Variants in CRYBG1 observed in about 807,000 individuals in gnomAD.
CRYBG1 encodes the protein crystallin beta-gamma domain containing 1, also known as beta/gamma crystallin domain-containing protein 1.
In CRYBG1, 139 loss-of-function variants were observed where a neutral mutation model predicts 189.2. The ratio of observed to expected loss-of-function variants is 0.73; its 90% CI spans 0.64 to 0.85. CRYBG1 has a LOEUF of 0.85. Ranked by LOEUF, CRYBG1 falls within the 40% of genes least tolerant of loss-of-function variation. The pLI, the probability that CRYBG1 is intolerant of heterozygous loss-of-function variation, is 0.00. For missense variants in CRYBG1, 2,611 were observed against 2,675.8 expected, an observed-to-expected ratio of 0.98 and a Z score of 0.53; for synonymous variants, 1,023 against 1,017.1, an observed-to-expected ratio of 1.01 and a Z score of -0.11.
chr6:106,555,215 A>G (rs1007047398), intron 16 of CRYBG1, among the ~76,000 whole-genome samples: 1 of 151,126 alleles, frequency 6.6e-6, no homozygotes, highest in African/African-American at 2.4e-5. Context: ...AAGGCCCACA[A>G]ACTTCTAGGG....
intron 9 of CRYBG1, 39 bp from the exon 10 acceptor site, chr6:106,541,547 A>C (rs934964554): frequency 1.0e-5 from 16 of 1,590,056 alleles, no homozygotes; most frequent in Admixed American, 6.7e-5. Flanking sequence ...GTAATGTATC[A>C]GTGAAAAACT....
Position 106,518,791 on chromosome 6 carries a change from AAAAAAT to A in CRYBG1, c.1923-328_1923-323del, listed in dbSNP as rs1481002775. 3.3e-5 allele frequency among the ~76,000 whole-genome samples: 5 copies of A among 152,218 alleles called. No individual in the cohort carries two copies. In the East Asian group the frequency reaches 5.8e-4, roughly 18 times the overall value. ...TGGGTGACATAGACCCCATTCTACA[AAAAAAT>A]AAAAATAAAAAAATTAGTTGGGTGT... On this transcript the variant is annotated intron_variant, in intron 3 of 21. Transcript: ENST00000633556.
At chr6:106,504,187 A>C (rs1053829129) in intron 2 of CRYBG1, among the ~76,000 whole-genome samples, 1 of 152,194 alleles carries the variant, frequency 6.6e-6, no homozygotes, top group Non-Finnish European at 1.5e-5. Flanking sequence ...TAGAAGCAGC[A>C]TGGGGCAAGC....
Position 106,512,160 on chromosome 6 carries a change from C to A in CRYBG1, c.1043C>A (p.Ala348Asp). The change falls in exon 3 of 22, where the codon GCC (alanine) becomes GAC (aspartate). Residue 348 changes from alanine (A) to aspartate (D), a missense_variant. Ala to Asp is a moderately radical substitution (Grantham distance 126, BLOSUM62 -2). Coordinates refer to ENST00000633556, the MANE Select transcript of CRYBG1 (RefSeq NM_001371242.2). ...GASDLPGEPP[A>D]EGAAHTASSA... is the part of the protein sequence containing the mutation. Reference sequence around the variant, plus strand: ...TCTGATTTGCCAGGTGAGCCTCCGGCCGAGGGCGCAGCGCACACGGCCAGC... The same window carrying A: ...TCTGATTTGCCAGGTGAGCCTCCGGACGAGGGCGCAGCGCACACGGCCAGC... The A allele has an allele frequency of 6.5e-7, 1 of 1,534,338 alleles. No individual in the cohort carries two copies. Among genetic ancestry groups the A allele is most frequent in the Non-Finnish European group, 8.7e-7 (1 of 1,145,834 alleles).
At chr6:106,479,909 T>A (rs190629818) in intron 2 of CRYBG1, among the ~76,000 whole-genome samples, 1 of 152,342 alleles carries the variant, frequency 6.6e-6, no homozygotes, top group Non-Finnish European at 1.5e-5. Context: ...CAAAAGTTTT[T>A]AATTTAGATG....
chr6:106,451,113 A>C (rs1771773921), intron 1 of CRYBG1, among the ~76,000 whole-genome samples: 1 of 152,210 alleles, frequency 6.6e-6, no homozygotes, highest in Non-Finnish European at 1.5e-5. Flanking sequence ...GTGGGAGAAC[A>C]GTGAAGGGTT....
chr6:106,362,112 G>GGCGCCCGCCACC (rs1771887617), intron 1 of CRYBG1, among the ~76,000 whole-genome samples: 1 of 144,238 alleles, frequency 6.9e-6, no homozygotes, highest in Non-Finnish European at 1.5e-5. Context: ...TGGGACCACA[G>GGCGCCCGCCACC]GCGCCCGCCA....
At chr6:106,391,447 A>T (rs1770499748) in intron 1 of CRYBG1, among the ~76,000 whole-genome samples, 1 of 152,052 alleles carries the variant, frequency 6.6e-6, no homozygotes, top group African/African-American at 2.4e-5. Context: ...TTGTGGTTTT[A>T]ATTTCTATTT....
rs571770477 is a variant in CRYBG1 at position 106,520,098 on chromosome 6, G to T, written c.2890G>T (p.Val964Leu). Residue 964 changes from valine (V) to leucine (L), a missense_variant, in exon 4 of 22, where the codon GTG (valine) becomes TTG (leucine). By Grantham distance (32) the Val-to-Leu change is conservative (BLOSUM62 1). This residue lies in a region of CRYBG1 where 1,622 missense variants were observed against 1,735.0 expected (regional missense o/e 0.93). Transcript: ENST00000633556. Reference sequence around the variant, plus strand: ...CCAGGTCAGGTCCTTCGTGCTCCCCGTGGAGAGCACCCAGGATGTGAGCTC... The same window carrying T: ...CCAGGTCAGGTCCTTCGTGCTCCCCTTGGAGAGCACCCAGGATGTGAGCTC... Reference protein sequence around the residue: ...LVQVRSFVLPVESTQDVSSQV... With the variant: ...LVQVRSFVLPLESTQDVSSQV... 6.2e-7 allele frequency: 1 copy of T among 1,613,952 alleles called. No homozygotes were observed. The highest frequency in any genetic ancestry group is 1.3e-5 in the African/African-American group (1 of 74,896).
chr6:106,565,457 C>T (rs192506226), intron 21 of CRYBG1, among the ~76,000 whole-genome samples: 1 of 152,190 alleles, frequency 6.6e-6, no homozygotes, highest in Non-Finnish European at 1.5e-5. Context: ...AAGTGGCTGT[C>T]ACTTCTGAAT....
At chr6:106,536,314 G>T (rs1289484956) in intron 8 of CRYBG1, among the ~76,000 whole-genome samples, 1 of 152,194 alleles carries the variant, frequency 6.6e-6, no homozygotes, top group African/African-American at 2.4e-5. Flanking sequence ...TAACTAGCTT[G>T]CCCTTTAGCA....
intron 1 of CRYBG1, among the ~76,000 whole-genome samples, chr6:106,422,339 T>TATTTATTTATTTATTTATTC (rs1029378796): frequency 8.1e-6 from 1 of 123,972 alleles, no homozygotes; most frequent in African/African-American, 3.0e-5. Context: ...TTTATTTATT[T>TATTTATTTATTTATTTATTC]ATTTATTTTT....
intron 1 of CRYBG1, among the ~76,000 whole-genome samples, chr6:106,375,581 C>A (rs763881564): frequency 6.6e-6 from 1 of 152,090 alleles, no homozygotes. Context: ...CCAAAGGTAC[C>A]ACTTTATCTT....
At chr6:106,541,523 G>C (rs923614444) in intron 9 of CRYBG1, 63 bp from the exon 10 acceptor site, 1 of 1,452,710 alleles carries the variant, frequency 6.9e-7, no homozygotes, top group Non-Finnish European at 9.7e-7. Context: ...AACTGCTATG[G>C]CTAATATAAA....
chr6:106,520,222 C>A lies in CRYBG1; in HGVS notation c.3014C>A (p.Pro1005Gln), dbSNP rs76362616. Residue 1005 changes from proline to glutamine, a missense_variant, in exon 4 of 22, where the codon CCA becomes CAA. Physicochemically the swap from Pro to Gln is moderately conservative, Grantham distance 76. Around this residue, in one of 3 missense-constraint regions of CRYBG1, gnomAD observed 1,622 missense variants for 1,735.0 expected, o/e 0.93. Transcript: ENST00000633556. ...GTTTCCGTTGCAAGTTGTGCTCCCC[C>A]ACAAGAGGAAGTACTGGGCAATGAA... ...EVVSVASCAPPQEEVLGNEHS... is the reference protein window; with the variant it reads ...EVVSVASCAPQQEEVLGNEHS... 2.5e-6 allele frequency: 4 copies of A among 1,614,144 alleles called. No individual in the cohort carries two copies. The highest frequency in any genetic ancestry group is 1.1e-5 in the South Asian group (1 of 91,088).
At chr6:106,444,077 C>A (rs2353589) in intron 1 of CRYBG1, among the ~76,000 whole-genome samples, 104,411 of 151,992 alleles carry the variant, frequency 0.69, 37,012 homozygotes, top group Non-Finnish European at 0.79. Flanking sequence ...GCTACAAAGG[C>A]TAACAATTGA....
chr6:106,488,256 C>T (rs1772634646), intron 2 of CRYBG1, among the ~76,000 whole-genome samples: 2 of 152,172 alleles, frequency 1.3e-5, no homozygotes, highest in Admixed American at 1.3e-4. Flanking sequence ...ACTGTGCTAT[C>T]TGTCAGGTCT....
intron 1 of CRYBG1, among the ~76,000 whole-genome samples, chr6:106,379,550 C>T (rs564756058): frequency 1.3e-5 from 2 of 151,732 alleles, no homozygotes; most frequent in African/African-American, 4.8e-5. Context: ...CGTGAGCCAC[C>T]GTGCCTGGCC....
intron 1 of CRYBG1, among the ~76,000 whole-genome samples, chr6:106,440,798 A>G (rs1771553764): frequency 6.6e-6 from 1 of 152,184 alleles, no homozygotes; most frequent in African/African-American, 2.4e-5. Flanking sequence ...TCCACCCACC[A>G]TCTCTTTCTG....
Sources: allele counts gnomAD v4.1 joint callset (sites outside exome capture counted in the v4.1 genomes callset), GRCh38; gene constraint gnomAD v4.1.1; regional missense constraint gnomAD v4.1.1; transcripts MANE v1.5; gene names NCBI Gene and HGNC (gene_info 2026-07-23, HGNC 2026-07-21).